The following HABP2 variants were observed in gnomAD, a reference collection of about 807,000 sequenced individuals.
HABP2 encodes factor VII-activating protease.
In HABP2, 65 loss-of-function variants were observed where a neutral mutation model predicts 66.5. The observed-to-expected ratio is 0.98, with a 90% confidence interval of 0.80 to 1.20. The LOEUF is 1.20. HABP2 is among the 50% of genes most tolerant of loss of function. HABP2 has a pLI of 0.00. For missense variants in HABP2, 786 were observed against 691.0 expected (o/e 1.14, Z -1.54); for synonymous variants, 263 against 253.9 (o/e 1.04, Z -0.34).
At chr10:113,570,273 C>G (rs1845281154) in intron 2 of HABP2, 1 of 152,176 alleles carries the variant, frequency 6.6e-6, no homozygotes, top group Non-Finnish European at 1.5e-5. Flanking sequence ...TGTGGGCAAC[C>G]ACATTTATTT....
intron 1 of HABP2, among the ~76,000 whole-genome samples, chr10:113,554,580 A>G (rs1844957158): frequency 6.6e-6 from 1 of 152,126 alleles, no homozygotes; most frequent in Non-Finnish European, 1.5e-5. Flanking sequence ...ACATCATTTG[A>G]TGGCTTGTTG....
At chr10:113,572,983 G>A (rs935606310) in intron 2 of HABP2, among the ~76,000 whole-genome samples, 9 of 152,182 alleles carry the variant, frequency 5.9e-5, no homozygotes, top group African/African-American at 2.2e-4. Context: ...ACTGAGAGAC[G>A]AGTAAGATAA....
chr10:113,588,266 T>C lies in HABP2; in HGVS notation c.1580T>C (p.Val527Ala). The C allele has an allele frequency of 6.2e-7, 1 of 1,613,730 alleles. No homozygotes were observed. Among genetic ancestry groups the C allele is most frequent in the Non-Finnish European group, 8.5e-7 (1 of 1,179,752 alleles). Residue 527 changes from valine to alanine, a missense_variant, in exon 13 of 13, where the codon GTG becomes GCG. Val to Ala is a moderately conservative substitution (Grantham distance 64). Coordinates refer to ENST00000351270, the MANE Select transcript of HABP2 (RefSeq NM_004132.5). ...KDGTYYVYGI[V>A]SWGLECGKRP... is the part of the protein sequence containing the mutation. ...GGCACCTACTACGTCTATGGGATAG[T>C]GAGCTGGGGCCTGGAGTGTGGGAAG...
At chr10:113,557,026 C>T (rs181757643) in intron 1 of HABP2, among the ~76,000 whole-genome samples, 1 of 152,208 alleles carries the variant, frequency 6.6e-6, no homozygotes, top group East Asian at 1.9e-4. Context: ...CTGGTTATTG[C>T]TCAGAAATGC....
In HABP2 at chr10:113,580,478, G is replaced by A. The variant is rs557112219; in HGVS notation, c.741-117G>A. Reference sequence around the variant, plus strand: ...TTTGTAACCTGATGGAGGATTCAAAGAAATGTGGTCCCAGGGGGAGCACAA... The same window carrying A: ...TTTGTAACCTGATGGAGGATTCAAAAAAATGTGGTCCCAGGGGGAGCACAA... On this transcript the variant is annotated intron_variant, in intron 7 of 12. Coordinates refer to ENST00000351270, the MANE Select transcript of HABP2 (RefSeq NM_004132.5). 2.2e-3 allele frequency: 1,486 copies of A among 662,210 alleles called. 21 individuals carry two copies. Among genetic ancestry groups the A allele is most frequent in the South Asian group, 0.017 (952 of 56,352 alleles). The allele number at this position is 662,210 out of a possible 1,614,324, so 41.0% of individuals were successfully genotyped here.
intron 2 of HABP2, among the ~76,000 whole-genome samples, chr10:113,570,780 G>T (rs185282714): frequency 7.2e-5 from 11 of 152,324 alleles, no homozygotes; most frequent in Admixed American, 2.0e-4. Context: ...AAGCAGAAAG[G>T]CTTAGCCACT....
intron 8 of HABP2, 113 bp from the exon 9 acceptor site, chr10:113,581,763 C>G: frequency 9.7e-7 from 1 of 1,035,446 alleles, no homozygotes; most frequent in Non-Finnish European, 1.5e-6. Context: ...TGCAGTCTCT[C>G]AGCTCTGGAC....
chr10:113,586,728 G>T (rs1048731733), intron 12 of HABP2, among the ~76,000 whole-genome samples: 3 of 152,136 alleles, frequency 2.0e-5, no homozygotes, highest in Non-Finnish European at 1.5e-5. Flanking sequence ...CCTCCATTTA[G>T]AATTTTCTGA....
chr10:113,574,492 C>A, intron 3 of HABP2, 87 bp downstream of exon 3: 1 of 703,862 alleles, frequency 1.4e-6, no homozygotes, highest in South Asian at 1.7e-5. Context: ...CCTCTCTCTC[C>A]GCCTCTCTGG....
Position 113,556,348 on chromosome 10 carries a change from G to A in HABP2, c.69+3158G>A, listed in dbSNP as rs74392311. Among the ~76,000 whole-genome samples the A allele has an allele frequency of 3.2e-3, 482 of 152,248 alleles. 18 individuals carry two copies. In the East Asian group the frequency reaches 0.078, roughly 25 times the overall value. ...GATTCCCAGCTTTTCTTGAAAATCA[G>A]ACATTTGAGTAGCATTGGGTTCACA... On this transcript the variant is annotated intron_variant, in intron 1 of 12. Transcript: ENST00000351270.
At chr10:113,582,194 C>T (rs970247082) in intron 9 of HABP2, 63 bp downstream of exon 9, 3 of 1,486,222 alleles carry the variant, frequency 2.0e-6, no homozygotes, top group African/African-American at 1.4e-5. Flanking sequence ...CTCCCCTTCC[C>T]CTCTGAGCAG....
intron 1 of HABP2, among the ~76,000 whole-genome samples, chr10:113,566,029 C>G (rs11575661): frequency 0.064 from 9,687 of 152,184 alleles, 363 homozygotes; most frequent in African/African-American, 0.11. Context: ...TATCATCTAC[C>G]TAATTCCCAA....
At position 113,588,932 on chromosome 10, in the gene HABP2, C is replaced by A. The variant is rs1845746924; in HGVS notation, c.*563C>A. The stretch of plus-strand genomic sequence containing the variant: ...CCATCTGAAGCCTGTCTCTGGTGAA[C>A]AAACTTCCTCTCTGGCCTCTCAGGA... On this transcript the variant is annotated 3_prime_UTR_variant, in exon 13 of 13. Coordinates refer to ENST00000351270, the MANE Select transcript of HABP2 (RefSeq NM_004132.5). 1 of 1,525,990 alleles carries A rather than the reference C, an allele frequency of 6.6e-7. No individual in the cohort carries two copies. The highest frequency in any genetic ancestry group is 9.1e-7 in the Non-Finnish European group (1 of 1,101,628). 94.5% of individuals were successfully genotyped at this position (1,525,990 alleles called of 1,614,324 possible).
chr10:113,559,054 C>T (rs1309711073), intron 1 of HABP2, among the ~76,000 whole-genome samples: 1 of 152,202 alleles, frequency 6.6e-6, no homozygotes, highest in East Asian at 1.9e-4. Flanking sequence ...AGGGTTTCAC[C>T]ATCCTGGCCA....
Position 113,564,490 on chromosome 10 carries a change from A to G in HABP2, c.70-2999A>G, listed in dbSNP as rs556012443. On this transcript the variant is annotated intron_variant, in intron 1 of 12. Transcript: ENST00000351270. Reference sequence around the variant, plus strand: ...CTCCCCACTGCCAACCCCCACCCTCAGCCCCAAACAGAACACCTGTCCCAT... The same window carrying G: ...CTCCCCACTGCCAACCCCCACCCTCGGCCCCAAACAGAACACCTGTCCCAT... 4.0e-3 allele frequency among the ~76,000 whole-genome samples: 610 copies of G among 152,162 alleles called. 2 individuals carry two copies. The highest frequency in any genetic ancestry group is 0.014 in the African/African-American group (590 of 41,502).
intron 2 of HABP2, among the ~76,000 whole-genome samples, chr10:113,570,662 T>A (rs558413736): frequency 2.0e-5 from 3 of 152,368 alleles, no homozygotes; most frequent in African/African-American, 7.2e-5. Context: ...CTTTGCCAAG[T>A]ACATTTGACC....
intron 1 of HABP2, among the ~76,000 whole-genome samples, chr10:113,558,788 A>G (rs4917657): frequency 0.36 from 54,275 of 151,694 alleles, 10,323 homozygotes; most frequent in East Asian, 0.61. Context: ...AAAGGGAAAC[A>G]TGGGGGCTTG....
intron 1 of HABP2, among the ~76,000 whole-genome samples, chr10:113,555,399 T>C (rs773458327): frequency 6.6e-6 from 1 of 152,106 alleles, no homozygotes; most frequent in Non-Finnish European, 1.5e-5. Context: ...GCTTTTCCTG[T>C]AGGGAAAGGC....
intron 11 of HABP2, 128 bp downstream of exon 11, chr10:113,584,410 A>G (rs1461578805): frequency 9.2e-6 from 7 of 760,766 alleles, no homozygotes; most frequent in Non-Finnish European, 1.5e-5. Context: ...CAAAGAAAGC[A>G]TCCACCTCAT....
Sources: allele counts gnomAD v4.1 joint callset (sites outside exome capture counted in the v4.1 genomes callset), GRCh38; gene constraint gnomAD v4.1.1; transcripts MANE v1.5; gene names NCBI Gene and HGNC (gene_info 2026-07-23, HGNC 2026-07-21).